Variants in CSMD1 observed in about 807,000 individuals in gnomAD.
CSMD1 encodes the protein CUB and Sushi multiple domains 1, also known as CUB and sushi domain-containing protein 1.
In CSMD1, 213 loss-of-function variants were observed where a neutral mutation model predicts 417.5. The ratio of observed to expected loss-of-function variants is 0.51; its 90% CI spans 0.46 to 0.57. CSMD1 has a LOEUF of 0.57. CSMD1 is among the 20% of genes least tolerant of loss of function. The probability of loss-of-function intolerance (pLI) is 0.00; values close to 1 mark genes in which losing one functional copy is unlikely to be tolerated. For synonymous variants in CSMD1, 2,862 were observed against 1,736.8 expected (o/e 1.65, Z -16.11); for missense variants, 6,923 against 4,529.7 (o/e 1.53, Z -15.17).
chr8:2,976,064 G>A (rs142296902), intron 55 of CSMD1, among the ~76,000 whole-genome samples: 2 of 152,248 alleles, frequency 1.3e-5, no homozygotes, highest in African/African-American at 4.8e-5. Flanking sequence ...TTTGAAGACC[G>A]TAACACATTT....
At chr8:3,981,198 C>G (rs1428756622) in intron 5 of CSMD1, among the ~76,000 whole-genome samples, 1 of 152,220 alleles carries the variant, frequency 6.6e-6, no homozygotes, top group Admixed American at 6.5e-5. Context: ...CCATAGTTTT[C>G]TTCAGTAAAG....
intron 17 of CSMD1, among the ~76,000 whole-genome samples, chr8:3,394,749 G>T (rs572937332): frequency 3.9e-5 from 6 of 152,096 alleles, no homozygotes; most frequent in South Asian, 4.1e-4. Flanking sequence ...AACTCGAATG[G>T]ACATTTTAAA....
At chr8:4,400,743 T>C (rs1238970654) in intron 3 of CSMD1, among the ~76,000 whole-genome samples, 1 of 150,066 alleles carries the variant, frequency 6.7e-6, no homozygotes, top group Non-Finnish European at 1.5e-5. Context: ...TTCTCTCTAA[T>C]AGAGTGCATA....
At position 3,255,889 on chromosome 8, in the gene CSMD1, G is replaced by A. The variant is rs112408732; in HGVS notation, c.4154-25658C>T. ...ACCCACTGTCCTGCACCCACTTTCC[G>A]ACACTCGCCAGTGAGATGAACCTGG... On this transcript the variant is annotated intron_variant, in intron 26 of 69. Coordinates refer to ENST00000635120, the MANE Select transcript of CSMD1 (RefSeq NM_033225.6). Among the ~76,000 whole-genome samples the A allele has an allele frequency of 3.0e-3, 454 of 152,216 alleles. 2 individuals are homozygous for A. The highest frequency in any genetic ancestry group is 0.01 in the African/African-American group (429 of 41,544).
intron 29 of CSMD1, among the ~76,000 whole-genome samples, chr8:3,216,831 G>A (rs148634434): frequency 6.6e-6 from 1 of 152,216 alleles, no homozygotes; most frequent in African/African-American, 2.4e-5. Flanking sequence ...ACGACTGCCT[G>A]GTGTTCCTTC....
At chr8:4,345,021 A>G (rs1234489614) in intron 3 of CSMD1, among the ~76,000 whole-genome samples, 1 of 152,116 alleles carries the variant, frequency 6.6e-6, no homozygotes, top group Non-Finnish European at 1.5e-5. Flanking sequence ...CTAAGGCAGC[A>G]TCACACCATA....
chr8:3,498,154 G>A (rs936400308), intron 10 of CSMD1, among the ~76,000 whole-genome samples: 2 of 152,086 alleles, frequency 1.3e-5, no homozygotes, highest in Non-Finnish European at 2.9e-5. Flanking sequence ...TAACGGTTCT[G>A]CTGAGAAATC....
chr8:3,258,725 A>T (rs542942594), intron 26 of CSMD1, among the ~76,000 whole-genome samples: 154 of 152,364 alleles, frequency 1.0e-3, no homozygotes, highest in African/African-American at 3.0e-3. Flanking sequence ...GATAAAGAAA[A>T]CATGGTACAT....
chr8:4,905,745 G>A (rs1316015888), intron 1 of CSMD1, among the ~76,000 whole-genome samples: 3 of 150,822 alleles, frequency 2.0e-5, no homozygotes, highest in South Asian at 2.1e-4. Flanking sequence ...GCGTGAAACC[G>A]GGAGGCGGAG....
intron 49 of CSMD1, among the ~76,000 whole-genome samples, chr8:3,079,519 T>A (rs978102496): frequency 1.1e-4 from 16 of 152,186 alleles, no homozygotes; most frequent in Non-Finnish European, 2.1e-4. Context: ...AAAATCAAGA[T>A]AAAAGTCTCA....
chr8:3,294,025 T>A (rs994937604), intron 25 of CSMD1, among the ~76,000 whole-genome samples: 1 of 109,212 alleles, frequency 9.2e-6, no homozygotes, highest in South Asian at 3.6e-4. Context: ...CCTTTCTGTT[T>A]GTTAGTTTTC....
intron 3 of CSMD1, among the ~76,000 whole-genome samples, chr8:4,087,747 G>C (rs532580892): frequency 2.6e-5 from 4 of 151,858 alleles, no homozygotes; most frequent in African/African-American, 9.7e-5. Context: ...TGTCTCTCCC[G>C]TTCTCTTAAT....
intron 10 of CSMD1, among the ~76,000 whole-genome samples, chr8:3,515,789 A>G (rs1797258363): frequency 6.6e-6 from 1 of 152,230 alleles, no homozygotes; most frequent in African/African-American, 2.4e-5. Context: ...AACATGTAGG[A>G]AGTGTCAGTC....
chr8:4,148,869 G>A (rs553396820), intron 3 of CSMD1, among the ~76,000 whole-genome samples: 26 of 152,262 alleles, frequency 1.7e-4, no homozygotes, highest in African/African-American at 5.8e-4. Context: ...GCACATGGTC[G>A]AGAGACACAG....
In CSMD1 at chr8:3,011,306, T is replaced by A. The variant is rs527529550; in HGVS notation, c.8029+7171A>T. Among the ~76,000 whole-genome samples, 13 of 152,242 alleles carry A rather than the reference T, an allele frequency of 8.5e-5. No individual in the cohort carries two copies. The East Asian group carries it at 2.5e-3, about 29-fold the overall frequency. On this transcript the variant is annotated intron_variant, in intron 52 of 69. Transcript: ENST00000635120. ...TAACATACAGAACATATTTTACACTTAAGACGGTATGGCAAAGATGGGGGT... is the reference window on the plus strand; with the variant it reads ...TAACATACAGAACATATTTTACACTAAAGACGGTATGGCAAAGATGGGGGT...
rs62484654 is a variant in CSMD1, at chr8:4,895,380, A to G, written c.85+98952T>C. Among the ~76,000 whole-genome samples, 1,330 of 152,226 alleles carry G rather than the reference A, an allele frequency of 8.7e-3. 10 individuals carry two copies. Among genetic ancestry groups the G allele is most frequent in the Non-Finnish European group, 0.014 (973 of 68,018 alleles). On this transcript the variant is annotated intron_variant, in intron 1 of 69. Coordinates refer to ENST00000635120, the MANE Select transcript of CSMD1 (RefSeq NM_033225.6). ...GTAACAGCATGTTTAGCTCAGTATG[A>G]TGCACCAAACACATCCCTCTTTTTC...
chr8:4,183,113 C>G (rs1014365505), intron 3 of CSMD1, among the ~76,000 whole-genome samples: 2 of 152,126 alleles, frequency 1.3e-5, no homozygotes, highest in Non-Finnish European at 2.9e-5. Flanking sequence ...CAGAGATCAT[C>G]TTTATGCAGT....
At chr8:3,468,470 C>A (rs1012678136) in intron 12 of CSMD1, among the ~76,000 whole-genome samples, 2 of 152,164 alleles carry the variant, frequency 1.3e-5, no homozygotes, top group East Asian at 3.9e-4. Context: ...CCTAATACTT[C>A]ACCTCACTCT....
intron 1 of CSMD1, among the ~76,000 whole-genome samples, chr8:4,765,931 G>A (rs566968473): frequency 4.6e-5 from 7 of 152,208 alleles, no homozygotes; most frequent in African/African-American, 1.4e-4. Flanking sequence ...TTGAAGAATC[G>A]AGCTTAGCTA....
Sources: gnomAD v4.1 joint callset for allele counts (sites outside exome capture counted in the v4.1 genomes callset) on GRCh38, gnomAD v4.1.1 for gene constraint, MANE v1.5 for transcripts, NCBI Gene and HGNC (gene_info 2026-07-23, HGNC 2026-07-21) for gene names.